RFX7: variants seen among roughly 807,000 people sequenced by gnomAD.
The protein encoded by RFX7 is DNA-binding protein RFX7.
A neutral mutation model predicts 111.8 loss-of-function variants in RFX7; 26 were observed. That is an observed-to-expected ratio of 0.23 (90% confidence interval 0.17 to 0.32). The LOEUF (loss-of-function observed/expected upper bound fraction) is 0.32, where lower values mean the gene tolerates loss of function less well. Among genes scored for constraint, RFX7 ranks in the 10% least tolerant of loss-of-function variants. The probability of loss-of-function intolerance (pLI) is 1.00; values close to 1 mark genes in which losing one functional copy is unlikely to be tolerated. For missense variants in RFX7, 1,573 were observed against 1,772.9 expected (o/e 0.89, Z 2.02); for synonymous variants, 624 against 624.4 (o/e 1.00, Z 0.01).
intron 2 of RFX7, among the ~76,000 whole-genome samples, chr15:56,211,051 T>C (rs760186186): frequency 4.6e-5 from 7 of 152,072 alleles, no homozygotes; most frequent in Non-Finnish European, 8.8e-5. Flanking sequence ...AACTAGTTCC[T>C]GGGTGACACA....
chr15:56,204,048 C>T (rs1217766642), intron 2 of RFX7, among the ~76,000 whole-genome samples: 3 of 129,484 alleles, frequency 2.3e-5, no homozygotes, highest in Non-Finnish European at 4.7e-5. Context: ...GAGATGGACT[C>T]TCACTCTGTT....
intron 2 of RFX7, among the ~76,000 whole-genome samples, chr15:56,241,968 T>A (rs1258978553): frequency 1.3e-5 from 2 of 152,210 alleles, no homozygotes; most frequent in African/African-American, 4.8e-5. Context: ...AATTACTATA[T>A]AACTAACCTA....
chr15:56,186,833 T>C (rs1267522571), intron 2 of RFX7, among the ~76,000 whole-genome samples: 1 of 152,184 alleles, frequency 6.6e-6, no homozygotes, highest in Non-Finnish European at 1.5e-5. Context: ...TATTCTCTCC[T>C]GTATGTATTC....
upstream of RFX7, among the ~76,000 whole-genome samples, chr15:56,244,709 T>C (rs538387743): frequency 4.6e-5 from 7 of 151,954 alleles, no homozygotes; most frequent in South Asian, 1.5e-3. Flanking sequence ...TGCCTGCCTC[T>C]GAAAGAAACG....
At chr15:56,230,471 T>C (rs929150658) in intron 2 of RFX7, among the ~76,000 whole-genome samples, 138 of 152,376 alleles carry the variant, frequency 9.1e-4, no homozygotes, top group African/African-American at 3.2e-3. Flanking sequence ...ATCAGTTTAA[T>C]ATCTTGTTTT....
chr15:56,133,225 T>C (rs564316252), intron 5 of RFX7, among the ~76,000 whole-genome samples: 4 of 152,218 alleles, frequency 2.6e-5, no homozygotes, highest in Admixed American at 1.3e-4. Flanking sequence ...TCAAAATCAT[T>C]TGTAAACTAA....
chr15:56,087,374 C>T lies in RFX7; in HGVS notation c.*5971G>A, dbSNP rs2041540188. ...AGTTGGGCATCTTCCCTTCCAAAGT[C>T]ATCATGCCCTGGGCTCCTTGTATCT... is the stretch of plus-strand genomic sequence containing the variant. On this transcript the variant is annotated 3_prime_UTR_variant, in exon 10 of 10. Coordinates refer to ENST00000559447, the MANE Select transcript of RFX7 (RefSeq NM_022841.7). 1 of 455,546 alleles carries T rather than the reference C, an allele frequency of 2.2e-6. No individual in the cohort carries two copies. Among genetic ancestry groups the T allele is most frequent in the Non-Finnish European group, 4.4e-6 (1 of 226,196 alleles). 28.2% of individuals were successfully genotyped at this position (455,546 alleles called of 1,614,324 possible).
Position 56,243,109 on chromosome 15 carries a change from TG to T in RFX7, c.161+15del. 1 of 1,358,562 alleles carries T rather than the reference TG, an allele frequency of 7.4e-7. No individual in the cohort carries two copies. The highest frequency in any genetic ancestry group is 1.5e-5 in the African/African-American group (1 of 67,036). The allele number at this position is 1,358,562 out of a possible 1,614,324, so 84.2% of individuals were successfully genotyped here. On this transcript the variant is annotated intron_variant, in intron 2 of 9. Coordinates refer to ENST00000559447, the MANE Select transcript of RFX7 (RefSeq NM_022841.7). ...TGCCTGGGCTTTTTCACGCGAGCGATGGAGGATCCTCTTACCAGATGGAGTT... is the reference window on the plus strand; with the variant it reads ...TGCCTGGGCTTTTTCACGCGAGCGATGAGGATCCTCTTACCAGATGGAGTT...
chr15:56,159,307 G>A (rs192840662), intron 3 of RFX7, among the ~76,000 whole-genome samples: 1 of 152,264 alleles, frequency 6.6e-6, no homozygotes, highest in African/African-American at 2.4e-5. Context: ...ACGAACTTAG[G>A]AGTAGGTAAG....
intron 5 of RFX7, among the ~76,000 whole-genome samples, chr15:56,108,342 C>T (rs1285957309): frequency 6.6e-6 from 1 of 152,166 alleles, no homozygotes; most frequent in Non-Finnish European, 1.5e-5. Flanking sequence ...TATCAAAAAG[C>T]TTATCCACCA....
At chr15:56,108,824 A>C (rs1244778624) in intron 5 of RFX7, among the ~76,000 whole-genome samples, 1 of 152,220 alleles carries the variant, frequency 6.6e-6, no homozygotes, top group Non-Finnish European at 1.5e-5. Flanking sequence ...AAAACTCTTT[A>C]AACTGATAAG....
intron 2 of RFX7, among the ~76,000 whole-genome samples, chr15:56,228,476 G>A (rs1210502292): frequency 6.6e-6 from 1 of 151,982 alleles, no homozygotes; most frequent in African/African-American, 2.4e-5. Flanking sequence ...AGATATGACA[G>A]ATTTTGGAAT....
At chr15:56,230,847 C>A (rs1331861508) in intron 2 of RFX7, among the ~76,000 whole-genome samples, 1 of 152,182 alleles carries the variant, frequency 6.6e-6, no homozygotes, top group Non-Finnish European at 1.5e-5. Context: ...GTAATCCCAG[C>A]ATTTTGGGAG....
At chr15:56,140,314 C>A (rs1434628131) in intron 5 of RFX7, among the ~76,000 whole-genome samples, 1 of 152,202 alleles carries the variant, frequency 6.6e-6, no homozygotes, top group Non-Finnish European at 1.5e-5. Flanking sequence ...GATATAATCT[C>A]GTGGTGCGCC....
chr15:56,138,691 A>G (rs1437957424), intron 5 of RFX7, among the ~76,000 whole-genome samples: 1 of 152,076 alleles, frequency 6.6e-6, no homozygotes, highest in East Asian at 1.9e-4. Flanking sequence ...CCGTTAGTTG[A>G]TGCAGTTTCT....
chr15:56,167,570 A>C (rs1233291847), intron 3 of RFX7, among the ~76,000 whole-genome samples: 1 of 152,222 alleles, frequency 6.6e-6, no homozygotes, highest in Non-Finnish European at 1.5e-5. Flanking sequence ...AAAATGTTAC[A>C]ACTCAAATAA....
chr15:56,245,066 T>A (rs1300797359), upstream of RFX7, among the ~76,000 whole-genome samples: 1 of 152,198 alleles, frequency 6.6e-6, no homozygotes, highest in African/African-American at 2.4e-5. Context: ...ATCAGGTTTC[T>A]ACCTGTTAGA....
intron 3 of RFX7, among the ~76,000 whole-genome samples, chr15:56,151,638 G>A (rs1487788970): frequency 6.6e-6 from 1 of 152,200 alleles, no homozygotes; most frequent in African/African-American, 2.4e-5. Context: ...ACACTATTAA[G>A]AAACTGCATT....
chr15:56,114,010 G>T (rs1309038598), intron 5 of RFX7, among the ~76,000 whole-genome samples: 3 of 152,188 alleles, frequency 2.0e-5, no homozygotes, highest in African/African-American at 7.2e-5. Context: ...TTAGAAAGTG[G>T]AAAAGTTGTT....
Sources: allele counts gnomAD v4.1 joint callset (sites outside exome capture counted in the v4.1 genomes callset), GRCh38; gene constraint gnomAD v4.1.1; transcripts MANE v1.5; gene names NCBI Gene and HGNC (gene_info 2026-07-23, HGNC 2026-07-21).